Variants in PCDH7 observed in about 807,000 individuals in gnomAD.
PCDH7 encodes protocadherin 7.
PCDH7 carries 17 observed loss-of-function variants against 58.9 expected under a neutral mutation model. The ratio of observed to expected loss-of-function variants is 0.29; its 90% CI spans 0.20 to 0.43. The LOEUF (loss-of-function observed/expected upper bound fraction) is 0.43, where lower values mean the gene tolerates loss of function less well. Among genes scored for constraint, PCDH7 ranks in the 20% least tolerant of loss-of-function variants. PCDH7 has a pLI of 1.00. For missense variants in PCDH7, 1,274 were observed against 1,441.0 expected, an observed-to-expected ratio of 0.88 and a Z score of 1.88; for synonymous variants, 664 against 616.4, an observed-to-expected ratio of 1.08 and a Z score of -1.14.
In PCDH7 at chr4:30,794,712, G is replaced by T. The variant is rs140211160; in HGVS notation, c.70+70116G>T. ...GGATTTTTGGCAAATGACATACAAA[G>T]TATCTAAAAATTATACATTTTAAAT... On this transcript the variant is annotated intron_variant, in intron 1 of 3. Coordinates refer to the PCDH7 transcript ENST00000509759. Among the ~76,000 whole-genome samples the T allele has an allele frequency of 3.4e-3, 513 of 151,740 alleles. 3 individuals carry two copies. Among genetic ancestry groups the T allele is most frequent in the African/African-American group, 0.012 (487 of 41,396 alleles).
intron 1 of PCDH7, among the ~76,000 whole-genome samples, chr4:30,753,316 A>G (rs957507888): frequency 4.1e-4 from 63 of 152,212 alleles, no homozygotes; most frequent in Admixed American, 1.3e-4. Context: ...TTGATAAGGA[A>G]CCAGAATGAA....
rs76050737 is a variant in PCDH7 at position 30,877,450 on chromosome 4, A to G, written c.71-42703A>G. On this transcript the variant is annotated intron_variant, in intron 1 of 3. Transcript: ENST00000509759. The stretch of plus-strand genomic sequence containing the variant: ...TAAGAAGAGGAAGTTGTAGCTATCA[A>G]AGAAAGACATGCCTAAGGCAACCGT... Among the ~76,000 whole-genome samples the G allele has an allele frequency of 1.7e-3, 263 of 152,304 alleles. 5 individuals are homozygous for G. In the East Asian group the frequency reaches 0.04, roughly 23 times the overall value.
At chr4:30,806,496 G>A (rs1446027095) in intron 1 of PCDH7, among the ~76,000 whole-genome samples, 1 of 151,746 alleles carries the variant, frequency 6.6e-6, no homozygotes, top group Non-Finnish European at 1.5e-5. Flanking sequence ...AGTAAAGAAG[G>A]GGTTTCACCA....
Position 30,723,945 on chromosome 4 carries a change from A to C in PCDH7, c.2523A>C (p.Glu841Asp). The change falls in exon 1 of 2, where the codon GAA (glutamate) becomes GAC (aspartate). Residue 841 changes from glutamate (E) to aspartate (D), a missense_variant. This residue lies in a region of PCDH7 where 731 missense variants were observed against 881.9 expected (regional missense o/e 0.83). Transcript: ENST00000361762. The surrounding 1 kb of genome is among the most constrained non-coding windows in gnomAD (Gnocchi z 4.6). ...CTCTGGTGCACGTGTTTGTCAATGA[A>C]AGTGTTTCTAATGCAACTGCGATTG... is the stretch of plus-strand genomic sequence containing the variant. 2.5e-6 allele frequency: 4 copies of C among 1,614,108 alleles called. No individual in the cohort carries two copies. Among genetic ancestry groups the C allele is most frequent in the Non-Finnish European group, 3.4e-6 (4 of 1,180,034 alleles).
intron 3 of PCDH7, among the ~76,000 whole-genome samples, chr4:30,980,924 C>T (rs983205359): frequency 6.6e-6 from 1 of 152,140 alleles, no homozygotes; most frequent in Non-Finnish European, 1.5e-5. Flanking sequence ...GCTACTGCAA[C>T]CTCTGCCTCC....
intron 3 of PCDH7, among the ~76,000 whole-genome samples, chr4:31,049,137 T>C (rs1181800839): frequency 6.6e-6 from 1 of 152,106 alleles, no homozygotes; most frequent in Non-Finnish European, 1.5e-5. Context: ...CTCCTAATGC[T>C]ATCCCTCCCC....
intron 1 of PCDH7, among the ~76,000 whole-genome samples, chr4:30,861,314 G>A (rs1734163235): frequency 6.6e-6 from 1 of 152,152 alleles, no homozygotes; most frequent in African/African-American, 2.4e-5. Flanking sequence ...CATACTGCAT[G>A]CAGGTATAAC....
intron 1 of PCDH7, among the ~76,000 whole-genome samples, chr4:30,858,016 C>G (rs1203009181): frequency 6.6e-6 from 1 of 152,132 alleles, no homozygotes; most frequent in African/African-American, 2.4e-5. Flanking sequence ...ACTATACCAA[C>G]CACTTAAACT....
intron 1 of PCDH7, among the ~76,000 whole-genome samples, chr4:30,876,394 A>G (rs1736288443): frequency 6.6e-6 from 1 of 152,140 alleles, no homozygotes; most frequent in African/African-American, 2.4e-5. Context: ...AAGATCAAGA[A>G]AAGTTTTCAA....
chr4:30,974,514 T>A (rs1749893255), intron 3 of PCDH7, among the ~76,000 whole-genome samples: 1 of 152,146 alleles, frequency 6.6e-6, no homozygotes, highest in Admixed American at 6.5e-5. Context: ...TAGATAATGA[T>A]AAGAAATAGT....
At chr4:30,772,140 G>A (rs1721496761) in intron 1 of PCDH7, among the ~76,000 whole-genome samples, 1 of 152,120 alleles carries the variant, frequency 6.6e-6, no homozygotes, top group Non-Finnish European at 1.5e-5. Context: ...AAAGTGCTGG[G>A]ATTACAGGCG....
intron 3 of PCDH7, among the ~76,000 whole-genome samples, chr4:31,108,800 C>A (rs1715923883): frequency 6.6e-6 from 1 of 152,002 alleles, no homozygotes; most frequent in Non-Finnish European, 1.5e-5. Flanking sequence ...AAAGGATAAA[C>A]TGTGCAGAGA....
chr4:30,920,217 A>G (rs369729065), exon 2 of PCDH7: 4 of 1,367,706 alleles, frequency 2.9e-6, no homozygotes, highest in African/African-American at 1.5e-5. Context: ...GGGTCACTGC[A>G]GAGTTGCTAT....
chr4:31,121,278 G>A (rs1342715583), intron 3 of PCDH7, among the ~76,000 whole-genome samples: 1 of 151,970 alleles, frequency 6.6e-6, no homozygotes, highest in Non-Finnish European at 1.5e-5. Flanking sequence ...GAGGAGAGGA[G>A]GTAGCATATA....
At chr4:30,813,937 A>G (rs1727332376) in intron 1 of PCDH7, among the ~76,000 whole-genome samples, 1 of 152,124 alleles carries the variant, frequency 6.6e-6, no homozygotes, top group African/African-American at 2.4e-5. Flanking sequence ...ACCGCGCCCA[A>G]TCGGCTTACT....
intron 3 of PCDH7, among the ~76,000 whole-genome samples, chr4:31,071,367 A>G (rs1349366055): frequency 1.3e-5 from 2 of 152,062 alleles, no homozygotes; most frequent in Non-Finnish European, 2.9e-5. Flanking sequence ...TTTTGTATCC[A>G]TATGAAAGAA....
At chr4:30,944,784 A>C (rs1442807103) in intron 2 of PCDH7, among the ~76,000 whole-genome samples, 2 of 152,184 alleles carry the variant, frequency 1.3e-5, no homozygotes, top group South Asian at 2.1e-4. Flanking sequence ...GTATTAATTA[A>C]AATTAAATTG....
At chr4:31,094,364 T>A (rs1046510639) in intron 3 of PCDH7, among the ~76,000 whole-genome samples, 12 of 152,128 alleles carry the variant, frequency 7.9e-5, no homozygotes, top group Non-Finnish European at 1.3e-4. Flanking sequence ...GACAGATTGC[T>A]CTATGACTAT....
chr4:31,099,019 C>T (rs1430425508), intron 3 of PCDH7, among the ~76,000 whole-genome samples: 2 of 152,164 alleles, frequency 1.3e-5, no homozygotes, highest in Non-Finnish European at 2.9e-5. Flanking sequence ...CCCTTAAGAT[C>T]TCATTTTACC....
Sources: gnomAD v4.1 joint callset for allele counts (sites outside exome capture counted in the v4.1 genomes callset) on GRCh38, gnomAD v4.1.1 for gene constraint, gnomAD v4.1.1 regional missense constraint, Gnocchi (gnomAD v3.1) non-coding constraint, MANE v1.5 for transcripts, NCBI Gene and HGNC (gene_info 2026-07-23, HGNC 2026-07-21) for gene names.